The following PPP1R13B variants were observed in gnomAD, a reference collection of about 807,000 sequenced individuals.
PPP1R13B encodes the protein protein phosphatase 1 regulatory subunit 13B.
Under a neutral mutation model 119.8 loss-of-function variants are expected in PPP1R13B, and 44 were observed. That is an observed-to-expected ratio of 0.37 (90% CI 0.29 to 0.47). The LOEUF is 0.47. PPP1R13B is among the 20% of genes least tolerant of loss of function. The pLI is 0.99. For synonymous variants in PPP1R13B, 542 were observed against 561.5 expected, an observed-to-expected ratio of 0.97 and a Z score of 0.49; for missense variants, 1,227 against 1,413.5, an observed-to-expected ratio of 0.87 and a Z score of 2.12.
chr14:103,821,249 G>T lies in PPP1R13B; in HGVS notation c.10-23731C>A, dbSNP rs564096987. ...CCTTGTTCACTGAATATTAAAGGAGGTCTGTAAAATGTCTAGCAACAGCAC... is the reference window on the plus strand; with the variant it reads ...CCTTGTTCACTGAATATTAAAGGAGTTCTGTAAAATGTCTAGCAACAGCAC... On this transcript the variant is annotated intron_variant, in intron 1 of 16. Transcript: ENST00000202556. Among the ~76,000 whole-genome samples the T allele has an allele frequency of 2.0e-5, 3 of 152,282 alleles. No individual in the cohort carries two copies. The East Asian group carries it at 5.8e-4, about 29-fold the overall frequency.
At chr14:103,847,758 G>A, upstream of PPP1R13B, 1 of 468,808 alleles carries the variant, frequency 2.1e-6, no homozygotes, top group Non-Finnish European at 2.8e-6. Context: ...GTGCGCGTCC[G>A]CGCTCCCGGC....
Position 103,734,050 on chromosome 14 carries a change from A to G in PPP1R13B, c.*1104T>C, listed in dbSNP as rs2084023215. 1 of 162,176 alleles carries G rather than the reference A, an allele frequency of 6.2e-6. No homozygotes were observed. The highest frequency in any genetic ancestry group is 1.4e-5 in the Non-Finnish European group (1 of 72,970). 10.0% of individuals were successfully genotyped at this position (162,176 alleles called of 1,614,324 possible). A position where few individuals can be genotyped will look rare whatever the true frequency, so the allele number is the denominator to read the frequency against. Reference sequence around the variant, plus strand: ...GGGTAGCTTTGAATGGTCTAGTCAAAAAATACTTTTGGTATATAAAAAGCC... The same window carrying G: ...GGGTAGCTTTGAATGGTCTAGTCAAGAAATACTTTTGGTATATAAAAAGCC... On this transcript the variant is annotated 3_prime_UTR_variant, in exon 17 of 17. Transcript: ENST00000202556.
chr14:103,785,896 G>A (rs1054413453), intron 2 of PPP1R13B, among the ~76,000 whole-genome samples: 1 of 152,158 alleles, frequency 6.6e-6, no homozygotes, highest in African/African-American at 2.4e-5. Context: ...TCAGAGGTAC[G>A]AAGGCTGGAC....
At chr14:103,784,979 GT>G in intron 2 of PPP1R13B, 65 bp from the exon 3 acceptor site, 1 of 1,428,070 alleles carries the variant, frequency 7.0e-7, no homozygotes, top group Non-Finnish European at 9.5e-7. Context: ...AGTAAATTTT[GT>G]AAAAAACTTA....
chr14:103,753,407 G>A (rs2084596596), intron 6 of PPP1R13B, among the ~76,000 whole-genome samples: 1 of 152,188 alleles, frequency 6.6e-6, no homozygotes, highest in East Asian at 1.9e-4. Flanking sequence ...ATTAATTCCC[G>A]ACTATTCTTT....
Position 103,739,000 on chromosome 14 carries a change from C to A in PPP1R13B, c.2616G>T (p.Lys872Asn). The change falls in exon 13 of 17, where the codon AAG (lysine) becomes AAT (asparagine). Residue 872 changes from lysine to asparagine, a missense_variant. Physicochemically the swap from Lys to Asn is moderately conservative, Grantham distance 94 (BLOSUM62 0). Coordinates refer to ENST00000202556, the MANE Select transcript of PPP1R13B (RefSeq NM_015316.3). The surrounding 1 kb of genome is among the most constrained non-coding windows in gnomAD (Gnocchi z 5.6). ...TSTNKRTNLK[K>N]PNSERTGHGL... ...CGTGCCCCGTCCGCTCCGAGTTGGG[C>A]TTCTTCAAGTTGGTCCGCTTGTTCT... is the stretch of plus-strand genomic sequence containing the variant. 1.2e-6 allele frequency: 2 copies of A among 1,613,868 alleles called. No homozygotes were observed. Among genetic ancestry groups the A allele is most frequent in the Non-Finnish European group, 1.7e-6 (2 of 1,179,862 alleles).
chr14:103,841,027 C>T (rs1425944825), intron 1 of PPP1R13B, among the ~76,000 whole-genome samples: 1 of 152,164 alleles, frequency 6.6e-6, no homozygotes, highest in African/African-American at 2.4e-5. Flanking sequence ...TGGCTCACGC[C>T]TGTAATCCCA....
intron 1 of PPP1R13B, chr14:103,846,661 A>G (rs1004164329): frequency 2.2e-6 from 1 of 447,658 alleles, no homozygotes; most frequent in African/African-American, 2.0e-5. Context: ...TCTAATGGCC[A>G]ATGTCTTTCT....
Position 103,742,892 on chromosome 14 carries a change from C to T in PPP1R13B, c.1151-69G>A. 6.4e-7 allele frequency: 1 copy of T among 1,551,812 alleles called. No homozygotes were observed. Among genetic ancestry groups the T allele is most frequent in the Non-Finnish European group, 8.8e-7 (1 of 1,137,422 alleles). ...GTTGAACCAACCTAAGAATAACACT[C>T]TGCCAGAAACAAAAACAGCACTGGG... On this transcript the variant is annotated intron_variant, in intron 9 of 16. Transcript: ENST00000202556. This position sits in a 1 kb window ranked among gnomAD's most constrained non-coding sequence, Gnocchi z 4.9.
Position 103,740,315 on chromosome 14 carries a change from C to T in PPP1R13B, c.2101G>A (p.Ala701Thr), listed in dbSNP as rs1315422706. ...CTGCGCTTTTTCAGGGGCCGGGGCGCGTTGGCCAGCTTCCTGCGGAGGGCC... is the reference window on the plus strand; with the variant it reads ...CTGCGCTTTTTCAGGGGCCGGGGCGTGTTGGCCAGCTTCCTGCGGAGGGCC... The part of the protein sequence containing the change: ...LEALRRKLAN[A>T]PRPLKKRSSI... The change falls in exon 12 of 17, where the codon GCG becomes ACG. Residue 701 changes from alanine (A) to threonine (T), a missense_variant. Transcript: ENST00000202556. This position sits in a 1 kb window ranked among gnomAD's most constrained non-coding sequence, Gnocchi z 4.6. 3.2e-6 allele frequency: 5 copies of T among 1,574,024 alleles called. No homozygotes were observed. Among genetic ancestry groups the T allele is most frequent in the Non-Finnish European group, 4.3e-6 (5 of 1,160,192 alleles).
chr14:103,836,265 C>T (rs925949840), intron 1 of PPP1R13B, among the ~76,000 whole-genome samples: 3 of 151,008 alleles, frequency 2.0e-5, no homozygotes, highest in African/African-American at 4.9e-5. Context: ...AGGCTGGTCT[C>T]GAATTCCTGA....
chr14:103,756,661 T>C (rs1430303130), intron 5 of PPP1R13B, among the ~76,000 whole-genome samples: 1 of 152,196 alleles, frequency 6.6e-6, no homozygotes, highest in African/African-American at 2.4e-5. Context: ...TCATCACGGA[T>C]TGCTGCTTTC....
chr14:103,746,406 C>G lies in PPP1R13B; in HGVS notation c.1117G>C (p.Ala373Pro). 6.2e-7 allele frequency: 1 copy of G among 1,611,456 alleles called. No homozygotes were observed. The highest frequency in any genetic ancestry group is 8.5e-7 in the Non-Finnish European group (1 of 1,178,814). Residue 373 changes from alanine to proline, a missense_variant, in exon 9 of 17, where the codon GCC becomes CCC. Physicochemically the swap from Ala to Pro is conservative, Grantham distance 27. Coordinates refer to ENST00000202556, the MANE Select transcript of PPP1R13B (RefSeq NM_015316.3). The stretch of plus-strand genomic sequence containing the variant: ...GATCTTCCATGAGCAGCATTTGAGG[C>G]AATACTGAGAGACTGGGGCTTTATA... ...DPIKPQSLSI[A>P]SNAAHGRSKS...
chr14:103,824,784 T>A (rs1055584320), intron 1 of PPP1R13B, among the ~76,000 whole-genome samples: 4 of 152,092 alleles, frequency 2.6e-5, no homozygotes, highest in Non-Finnish European at 4.4e-5. Flanking sequence ...GTAATAAATA[T>A]TTGTTGTATG....
Position 103,753,064 on chromosome 14 carries a change from G to T in PPP1R13B, c.764C>A (p.Ser255Tyr). 3 of 1,614,140 alleles carry T rather than the reference G, an allele frequency of 1.9e-6. No homozygotes were observed. Among genetic ancestry groups the T allele is most frequent in the Non-Finnish European group, 2.5e-6 (3 of 1,180,046 alleles). The change falls in exon 7 of 17, where the codon TCT (serine) becomes TAT (tyrosine). Residue 255 changes from serine to tyrosine, a missense_variant. Coordinates refer to ENST00000202556, the MANE Select transcript of PPP1R13B (RefSeq NM_015316.3). ...TGGTCCCGTCAATTTGCCATTGTAAGACTGGAACCCATTCAGTTTTCCTTT... is the reference window on the plus strand; with the variant it reads ...TGGTCCCGTCAATTTGCCATTGTAATACTGGAACCCATTCAGTTTTCCTTT... ...LKKGKLNGFQSYNGKLTGPAA... is the reference protein window; with the variant it reads ...LKKGKLNGFQYYNGKLTGPAA...
intron 1 of PPP1R13B, among the ~76,000 whole-genome samples, chr14:103,825,547 T>C (rs1475210707): frequency 6.6e-6 from 1 of 152,176 alleles, no homozygotes; most frequent in Non-Finnish European, 1.5e-5. Flanking sequence ...GTTTTAGTAG[T>C]CTGGATCAAT....
intron 1 of PPP1R13B, among the ~76,000 whole-genome samples, chr14:103,833,884 G>A (rs554806443): frequency 1.3e-5 from 2 of 152,144 alleles, no homozygotes; most frequent in Non-Finnish European, 2.9e-5. Flanking sequence ...TGAGCTCACC[G>A]AAAGCAATGG....
chr14:103,780,746 G>A (rs540911875), intron 3 of PPP1R13B, among the ~76,000 whole-genome samples: 23 of 150,768 alleles, frequency 1.5e-4, no homozygotes, highest in Middle Eastern at 3.4e-3. Flanking sequence ...CCCGGGAGGC[G>A]AAGGTTGCAG....
chr14:103,815,954 G>T (rs1251581264), intron 1 of PPP1R13B, among the ~76,000 whole-genome samples: 1 of 151,042 alleles, frequency 6.6e-6, no homozygotes, highest in Non-Finnish European at 1.5e-5. Context: ...TGTGGTGACG[G>T]GCACCTGCAG....
Sources: gnomAD v4.1 joint callset for allele counts (sites outside exome capture counted in the v4.1 genomes callset) on GRCh38, gnomAD v4.1.1 for gene constraint, Gnocchi (gnomAD v3.1) non-coding constraint, MANE v1.5 for transcripts, NCBI Gene and HGNC (gene_info 2026-07-23, HGNC 2026-07-21) for gene names.